TMEM126B: variants seen among roughly 807,000 people sequenced by gnomAD.
The protein encoded by TMEM126B is transmembrane protein 126B.
A neutral mutation model predicts 16.5 loss-of-function variants in TMEM126B; 19 were observed. That is an observed-to-expected ratio of 1.15 (90% CI 0.80 to 1.69). The LOEUF is 1.69. TMEM126B is among the 40% of genes most tolerant of loss of function. The pLI is 0.00. For missense variants in TMEM126B, 293 were observed against 278.7 expected, an observed-to-expected ratio of 1.05 and a Z score of -0.37; for synonymous variants, 104 against 93.2, an observed-to-expected ratio of 1.12 and a Z score of -0.67.
rs1320289766 is a variant in TMEM126B, at chr11:85,635,749, T to C, written c.480T>C (p.Ala160=). The change falls in exon 4 of 5, where the codon GCT becomes GCC. Residue 160 remains alanine, a synonymous_variant. Coordinates refer to ENST00000358867, the MANE Select transcript of TMEM126B (RefSeq NM_018480.7). ...VCGVFYPSSL[A]FTKNGRLATK... is the part of the protein sequence containing the mutation. ...GTGTTTTCTATCCCAGTTCTTTGGCTTTTACTAAAAATGGACGCCTGGCAA... is the reference window on the plus strand; with the variant it reads ...GTGTTTTCTATCCCAGTTCTTTGGCCTTTACTAAAAATGGACGCCTGGCAA... 1.2e-6 allele frequency: 2 copies of C among 1,601,682 alleles called. No individual in the cohort carries two copies. Among genetic ancestry groups the C allele is most frequent in the Non-Finnish European group, 8.5e-7 (1 of 1,176,636 alleles).
At chr11:85,628,776 G>A (rs1037203740) in intron 1 of TMEM126B, 88 bp downstream of exon 1, 8 of 1,346,190 alleles carry the variant, frequency 5.9e-6, no homozygotes, top group Non-Finnish European at 8.2e-6. Context: ...CTTTAAAGGA[G>A]ATTTGAAAAG....
chr11:85,635,746 G>C lies in TMEM126B; in HGVS notation c.477G>C (p.Leu159Phe), dbSNP rs754783644. ...GTGGTGTTTTCTATCCCAGTTCTTT[G>C]GCTTTTACTAAAAATGGACGCCTGG... is the stretch of plus-strand genomic sequence containing the variant. ...IVCGVFYPSSLAFTKNGRLAT... is the reference protein window; with the variant it reads ...IVCGVFYPSSFAFTKNGRLAT... The change falls in exon 4 of 5, where the codon TTG becomes TTC. Residue 159 changes from leucine to phenylalanine, a missense_variant. By Grantham distance (22) the Leu-to-Phe change is conservative. Coordinates refer to ENST00000358867, the MANE Select transcript of TMEM126B (RefSeq NM_018480.7). 1.2e-6 allele frequency: 2 copies of C among 1,600,208 alleles called. No individual in the cohort carries two copies. Among genetic ancestry groups the C allele is most frequent in the South Asian group, 1.1e-5 (1 of 87,466 alleles).
chr11:85,628,741 T>C, intron 1 of TMEM126B, 53 bp downstream of exon 1: 5 of 1,481,400 alleles, frequency 3.4e-6, no homozygotes, highest in Admixed American at 2.0e-5. Context: ...CTTCAAAGTG[T>C]TGGCAGACTC....
chr11:85,629,242 A>C, intron 1 of TMEM126B: 1 of 1,289,314 alleles, frequency 7.8e-7, no homozygotes, highest in Non-Finnish European at 1.0e-6. Flanking sequence ...TTATGAGCGA[A>C]TGTTGAATAA....
Position 85,635,779 on chromosome 11 carries a change from G to T in TMEM126B, c.509+1G>T. ...CTAAAAATGGACGCCTGGCAACCAA[G>T]TAAGTTCTTCCTTTTCCTTCTTTTT... On this transcript the variant is annotated splice_donor_variant, in intron 4 of 4. Coordinates refer to ENST00000358867, the MANE Select transcript of TMEM126B (RefSeq NM_018480.7). LOFTEE classifies it high-confidence loss of function. The T allele has an allele frequency of 4.7e-6, 7 of 1,500,560 alleles. No individual in the cohort carries two copies. Among genetic ancestry groups the T allele is most frequent in the Non-Finnish European group, 6.3e-6 (7 of 1,113,552 alleles). 93.0% of individuals were successfully genotyped at this position (1,500,560 alleles called of 1,614,324 possible). A position where few individuals can be genotyped will look rare whatever the true frequency, so the allele number is the denominator to read the frequency against.
chr11:85,635,821 C>CTTTTTTTTTTT (rs58671332), intron 4 of TMEM126B, 43 bp downstream of exon 4: 123 of 869,412 alleles, frequency 1.4e-4, no homozygotes, highest in South Asian at 4.8e-4. Flanking sequence ...CTTTTCTTTT[C>CTTTTTTTTTTT]TTTTTTTTTT....
At chr11:85,631,236 A>G in intron 1 of TMEM126B, 8 of 1,289,042 alleles carry the variant, frequency 6.2e-6, no homozygotes, top group African/African-American at 1.5e-5. Context: ...CCACCTCCCC[A>G]CCTGAAGAGC....
At chr11:85,635,540 T>C (rs2082381650) in intron 3 of TMEM126B, 127 bp from the exon 4 acceptor site, 1 of 590,266 alleles carries the variant, frequency 1.7e-6, no homozygotes, top group Non-Finnish European at 2.9e-6. Context: ...AGAGTTTGAA[T>C]TTCTAATATT....
Position 85,634,283 on chromosome 11 carries a change from A to T in TMEM126B, c.397+4A>T, listed in dbSNP as rs1282012620. ...GTAATTGATGCTTTGTATTCAGGTGAATTTAAATTCACTAATGTATAACGT... is the reference window on the plus strand; with the variant it reads ...GTAATTGATGCTTTGTATTCAGGTGTATTTAAATTCACTAATGTATAACGT... On this transcript the variant is annotated splice_donor_region_variant and intron_variant, in intron 3 of 4. Transcript: ENST00000358867. 6.2e-7 allele frequency: 1 copy of T among 1,608,476 alleles called. No individual in the cohort carries two copies. Among genetic ancestry groups the T allele is most frequent in the African/African-American group, 1.3e-5 (1 of 74,870 alleles).
Position 85,629,279 on chromosome 11 carries a change from G to A in TMEM126B, c.81+591G>A, listed in dbSNP as rs188943497. Reference sequence around the variant, plus strand: ...ATTCTAAAGGTGAAATTTATTATTAGGTGAAAAATTTATTATTAGGTAAAA... The same window carrying A: ...ATTCTAAAGGTGAAATTTATTATTAAGTGAAAAATTTATTATTAGGTAAAA... On this transcript the variant is annotated intron_variant, in intron 1 of 4. Transcript: ENST00000358867. The A allele has an allele frequency of 4.3e-4, 543 of 1,271,214 alleles. 4 individuals carry two copies. The African/African-American group carries it at 7.8e-3, about 18-fold the overall frequency. The allele number at this position is 1,271,214 out of a possible 1,614,324, so 78.7% of individuals were successfully genotyped here. A position where few individuals can be genotyped will look rare whatever the true frequency, so the allele number is the denominator to read the frequency against.
intron 2 of TMEM126B, among the ~76,000 whole-genome samples, chr11:85,632,930 C>A (rs1460050839): frequency 6.6e-6 from 1 of 152,094 alleles, no homozygotes; most frequent in Admixed American, 6.5e-5. Flanking sequence ...TTAGGTAGAT[C>A]TCCTAAAGCT....
At position 85,634,217 on chromosome 11, in the gene TMEM126B, C is replaced by T. The variant is rs539263895; in HGVS notation, c.335C>T (p.Thr112Ile). The T allele has an allele frequency of 2.3e-4, 371 of 1,613,776 alleles. 6 individuals carry two copies. The South Asian group carries it at 3.8e-3, about 17-fold the overall frequency. Residue 112 changes from threonine (T) to isoleucine (I), a missense_variant, in exon 3 of 5, where the codon ACA (threonine) becomes ATA (isoleucine). Thr to Ile is a moderately conservative substitution (Grantham distance 89). Coordinates refer to ENST00000358867, the MANE Select transcript of TMEM126B (RefSeq NM_018480.7). Reference sequence around the variant, plus strand: ...TTGAAGACATATGCATCATTGGCTACACTTCCATTTTTGTCTACTGTTGTT... The same window carrying T: ...TTGAAGACATATGCATCATTGGCTATACTTCCATTTTTGTCTACTGTTGTT... ...DALKTYASLA[T>I]LPFLSTVVTD...
At chr11:85,631,031 C>A in intron 1 of TMEM126B, 1 of 721,432 alleles carries the variant, frequency 1.4e-6, no homozygotes, top group Non-Finnish European at 2.1e-6. Context: ...TTATGTACTC[C>A]AAAGTAGTAG....
At chr11:85,632,845 A>G (rs1048575929) in intron 2 of TMEM126B, among the ~76,000 whole-genome samples, 2 of 151,914 alleles carry the variant, frequency 1.3e-5, no homozygotes, top group African/African-American at 4.8e-5. Context: ...GTACATGTGC[A>G]CAATGTGCAG....
chr11:85,634,569 A>C (rs2082364899), intron 3 of TMEM126B: 1 of 270,590 alleles, frequency 3.7e-6, no homozygotes, highest in Admixed American at 5.2e-5. Flanking sequence ...ACATCATTTC[A>C]GTATGCTACC....
intron 1 of TMEM126B, chr11:85,631,109 C>T (rs1270964063): frequency 7.8e-7 from 1 of 1,278,890 alleles, no homozygotes; most frequent in Non-Finnish European, 1.0e-6. Context: ...TCTCACTATT[C>T]TCCAAGGCAA....
Position 85,636,505 on chromosome 11 carries a change from A to ATT in TMEM126B, c.*276_*277insTT. On this transcript the variant is annotated 3_prime_UTR_variant, in exon 5 of 5. Coordinates refer to ENST00000358867, the MANE Select transcript of TMEM126B (RefSeq NM_018480.7). The stretch of plus-strand genomic sequence containing the variant: ...TCCAGTGTCAATAAATGTAACAATA[A>ATT]AAGTTTCATCTTTCCTCTTTGTATG... The ATT allele has an allele frequency of 5.0e-6, 1 of 199,762 alleles. No homozygotes were observed. Among genetic ancestry groups the ATT allele is most frequent in the Non-Finnish European group, 1.0e-5 (1 of 99,276 alleles). The allele number at this position is 199,762 out of a possible 1,614,324, so 12.4% of individuals were successfully genotyped here.
intron 1 of TMEM126B, chr11:85,631,382 G>A (rs1343529799): frequency 1.8e-6 from 2 of 1,125,846 alleles, no homozygotes; most frequent in Non-Finnish European, 2.2e-6. Flanking sequence ...TTGCTCATAT[G>A]TATAGAAATA....
Position 85,635,795 on chromosome 11 carries a change from C to T in TMEM126B, c.509+17C>T, listed in dbSNP as rs1165022459. On this transcript the variant is annotated intron_variant, in intron 4 of 4. Transcript: ENST00000358867. ...GGCAACCAAGTAAGTTCTTCCTTTT[C>T]CTTCTTTTTTCTTTTCTTTTCTTTT... The T allele has an allele frequency of 9.7e-6, 14 of 1,450,162 alleles. No individual in the cohort carries two copies. The highest frequency in any genetic ancestry group is 1.4e-5 in the South Asian group (1 of 73,054). 89.8% of individuals were successfully genotyped at this position (1,450,162 alleles called of 1,614,324 possible).
Sources: gnomAD v4.1 joint callset for allele counts (sites outside exome capture counted in the v4.1 genomes callset) on GRCh38, gnomAD v4.1.1 for gene constraint, MANE v1.5 for transcripts, NCBI Gene and HGNC (gene_info 2026-07-23, HGNC 2026-07-21) for gene names.